IL16: variants seen among roughly 807,000 people sequenced by gnomAD.
The protein encoded by IL16 is interleukin 16.
Under a neutral mutation model 110.1 loss-of-function variants are expected in IL16, and 67 were observed. The observed-to-expected ratio is 0.61, with a 90% confidence interval of 0.50 to 0.75. IL16 has a LOEUF of 0.75. IL16 is among the 30% of genes least tolerant of loss of function. IL16 has a pLI of 0.00. For missense variants in IL16, 1,545 were observed against 1,655.0 expected (o/e 0.93, Z 1.15); for synonymous variants, 689 against 662.9 (o/e 1.04, Z -0.61).
At chr15:81,271,426 T>C (rs1048296113) in intron 5 of IL16, among the ~76,000 whole-genome samples, 2 of 152,116 alleles carry the variant, frequency 1.3e-5, no homozygotes, top group Admixed American at 6.5e-5. Context: ...TGAGCTGTGA[T>C]AGAGCCACTG....
At chr15:81,203,638 G>A (rs1184370407) in intron 1 of IL16, among the ~76,000 whole-genome samples, 1 of 151,862 alleles carries the variant, frequency 6.6e-6, no homozygotes, top group African/African-American at 2.4e-5. Context: ...TTGTAGATAT[G>A]CGGCATTATT....
intron 1 of IL16, among the ~76,000 whole-genome samples, chr15:81,191,405 T>G (rs1036622743): frequency 6.6e-6 from 1 of 152,166 alleles, no homozygotes; most frequent in African/African-American, 2.4e-5. Context: ...TACAAACAAA[T>G]GTAGAAACTC....
chr15:81,293,807 T>A (rs1176082008), intron 12 of IL16, among the ~76,000 whole-genome samples: 1 of 152,208 alleles, frequency 6.6e-6, no homozygotes, highest in Non-Finnish European at 1.5e-5. Flanking sequence ...AGCTGCTGTG[T>A]CTAGAACCAT....
intron 1 of IL16, among the ~76,000 whole-genome samples, chr15:81,207,853 T>G (rs898066646): frequency 2.7e-5 from 4 of 149,196 alleles, no homozygotes; most frequent in Non-Finnish European, 6.0e-5. Context: ...GTTTTTTTTT[T>G]TTTTGGTATA....
intron 2 of IL16, among the ~76,000 whole-genome samples, chr15:81,243,170 T>TAA (rs1897407564): frequency 1.7e-5 from 1 of 58,418 alleles, no homozygotes; most frequent in African/African-American, 7.0e-5. Flanking sequence ...TATATTTTTT[T>TAA]TTTTTTTTTT....
At chr15:81,262,774 A>G (rs1326621785) in intron 3 of IL16, among the ~76,000 whole-genome samples, 3 of 152,228 alleles carry the variant, frequency 2.0e-5, no homozygotes, top group Non-Finnish European at 4.4e-5. Context: ...TCTACTAAAA[A>G]TACAAAATTA....
rs183881611 is a variant in IL16 at position 81,310,067 on chromosome 15, A to T, written c.*1269A>T. ...TGGATGCCTGATTGCCAAGCTCAGG[A>T]CCAGGCAATGTGACTTTGCATCAGC... On this transcript the variant is annotated 3_prime_UTR_variant, in exon 19 of 19. Transcript: ENST00000683961. The T allele has an allele frequency of 6.6e-6, 1 of 152,396 alleles. No homozygotes were observed. Among genetic ancestry groups the T allele is most frequent in the Non-Finnish European group, 1.5e-5 (1 of 68,048 alleles). The allele number at this position is 152,396 out of a possible 1,614,324, so 9.4% of individuals were successfully genotyped here.
chr15:81,188,263 C>G (rs1018776047), intron 1 of IL16: 17 of 448,434 alleles, frequency 3.8e-5, no homozygotes, highest in African/African-American at 3.0e-4. Context: ...CCGTCTGAAT[C>G]GCTATGTTGT....
intron 9 of IL16, among the ~76,000 whole-genome samples, chr15:81,283,173 C>T (rs958097340): frequency 8.5e-5 from 13 of 152,198 alleles, no homozygotes; most frequent in African/African-American, 2.2e-4. Flanking sequence ...TACCACATCC[C>T]GCTGTGGCCA....
intron 7 of IL16, among the ~76,000 whole-genome samples, 168 bp downstream of exon 7, chr15:81,279,058 A>C (rs1291591392): frequency 6.6e-6 from 1 of 152,214 alleles, no homozygotes; most frequent in African/African-American, 2.4e-5. Context: ...TCAGAAAATA[A>C]TAGTGTGATC....
At chr15:81,257,970 G>T (rs1199955835) in intron 2 of IL16, among the ~76,000 whole-genome samples, 9 of 152,132 alleles carry the variant, frequency 5.9e-5, no homozygotes, top group Non-Finnish European at 1.3e-4. Context: ...TATTCAGAGA[G>T]CTTTCCTGAA....
intron 1 of IL16, among the ~76,000 whole-genome samples, chr15:81,211,181 T>A (rs774280009): frequency 6.6e-6 from 1 of 152,100 alleles, no homozygotes; most frequent in Non-Finnish European, 1.5e-5. Flanking sequence ...CACCTCAACC[T>A]CCTGAGTAGC....
chr15:81,190,021 C>A (rs990796140), intron 1 of IL16, among the ~76,000 whole-genome samples: 1 of 152,214 alleles, frequency 6.6e-6, no homozygotes, highest in Non-Finnish European at 1.5e-5. Flanking sequence ...GAACTCCACC[C>A]TTGTCCTGTC....
intron 2 of IL16, among the ~76,000 whole-genome samples, chr15:81,230,861 G>C (rs1458524288): frequency 6.6e-6 from 1 of 152,110 alleles, no homozygotes; most frequent in African/African-American, 2.4e-5. Context: ...AGTATACATG[G>C]GTGGCGGACA....
chr15:81,284,556 T>G (rs1358876561), intron 9 of IL16, among the ~76,000 whole-genome samples: 1 of 152,216 alleles, frequency 6.6e-6, no homozygotes, highest in Non-Finnish European at 1.5e-5. Flanking sequence ...TTCCTTAGCA[T>G]CTGGTGCTAT....
intron 6 of IL16, among the ~76,000 whole-genome samples, chr15:81,275,603 T>C (rs1484192846): frequency 6.6e-6 from 1 of 152,148 alleles, no homozygotes; most frequent in South Asian, 2.1e-4. Flanking sequence ...TTTTGTTCTC[T>C]TTCCTGAATG....
At chr15:81,198,529 ATTGT>A (rs1397792736) in intron 1 of IL16, among the ~76,000 whole-genome samples, 3 of 152,132 alleles carry the variant, frequency 2.0e-5, no homozygotes, top group Non-Finnish European at 4.4e-5. Context: ...TTATTTTCTA[ATTGT>A]TTGTATTCAT....
At chr15:81,285,902 A>G (rs924623736) in intron 10 of IL16, 72 bp downstream of exon 10, 3 of 1,502,360 alleles carry the variant, frequency 2.0e-6, no homozygotes, top group Non-Finnish European at 1.8e-6. Context: ...CAAGAAATAG[A>G]TGAAAACAGA....
At chr15:81,284,090 A>C (rs946916234) in intron 9 of IL16, among the ~76,000 whole-genome samples, 1 of 151,980 alleles carries the variant, frequency 6.6e-6, no homozygotes, top group African/African-American at 2.4e-5. Context: ...ATTTCTGGGT[A>C]CTCCAGATAT....
Sources: gnomAD v4.1 joint callset for allele counts (sites outside exome capture counted in the v4.1 genomes callset) on GRCh38, gnomAD v4.1.1 for gene constraint, MANE v1.5 for transcripts, NCBI Gene and HGNC (gene_info 2026-07-23, HGNC 2026-07-21) for gene names.